The following TACC2 variants were observed in gnomAD, a reference collection of about 807,000 sequenced individuals.
The protein encoded by TACC2 is transforming acidic coiled-coil-containing protein 2.
TACC2 carries 137 observed loss-of-function variants against 227.3 expected under a neutral mutation model. The ratio of observed to expected loss-of-function variants is 0.60; its 90% CI spans 0.52 to 0.69. The LOEUF is 0.69. Among genes scored for constraint, TACC2 ranks in the 30% least tolerant of loss-of-function variants. The pLI is 0.00. For missense variants in TACC2, 3,470 were observed against 3,694.4 expected (o/e 0.94, Z 1.57); for synonymous variants, 1,523 against 1,487.5 (o/e 1.02, Z -0.55).
At chr10:122,123,998 G>T (rs2086345272) in intron 5 of TACC2, among the ~76,000 whole-genome samples, 1 of 151,914 alleles carries the variant, frequency 6.6e-6, no homozygotes, top group African/African-American at 2.4e-5. Flanking sequence ...ATTTTTAGTA[G>T]AGATGGGGTT....
intron 2 of TACC2, among the ~76,000 whole-genome samples, chr10:122,047,665 C>G (rs576947671): frequency 6.6e-6 from 1 of 152,292 alleles, no homozygotes; most frequent in African/African-American, 2.4e-5. Flanking sequence ...TGGTCTTGGC[C>G]CAGTTACTAA....
At chr10:122,167,253 C>T (rs575564051) in intron 7 of TACC2, among the ~76,000 whole-genome samples, 1 of 152,332 alleles carries the variant, frequency 6.6e-6, no homozygotes, top group African/African-American at 2.4e-5. Flanking sequence ...GAAACCCATA[C>T]TCTGTAGACC....
intron 2 of TACC2, among the ~76,000 whole-genome samples, chr10:122,046,593 G>C (rs1431263771): frequency 6.6e-6 from 1 of 152,150 alleles, no homozygotes. Flanking sequence ...CCAAGCCCTT[G>C]TTATAGTCCA....
rs186063892 is a variant in TACC2 at position 122,153,608 on chromosome 10, T to A, written c.5834+9902T>A. On this transcript the variant is annotated intron_variant, in intron 7 of 22. Transcript: ENST00000369005. ...TCAGGCCAAAGTGATTTCTTGTTTT[T>A]TCACAAAACAGCCACAGCAGCAGCC... Among the ~76,000 whole-genome samples, 449 of 152,346 alleles carry A rather than the reference T, an allele frequency of 2.9e-3. 1 individual carries two copies. The highest frequency in any genetic ancestry group is 6.8e-3 in the Middle Eastern group (2 of 294).
At chr10:122,242,878 C>T (rs996890476) in intron 19 of TACC2, among the ~76,000 whole-genome samples, 1 of 152,132 alleles carries the variant, frequency 6.6e-6, no homozygotes, top group African/African-American at 2.4e-5. Flanking sequence ...TAGCGATCCT[C>T]CTGCCTTGGT....
intron 2 of TACC2, among the ~76,000 whole-genome samples, chr10:122,025,254 A>G (rs1027070707): frequency 6.6e-6 from 1 of 152,102 alleles, no homozygotes; most frequent in Non-Finnish European, 1.5e-5. Context: ...TAACTAGATT[A>G]TTATTATTCA....
At chr10:122,032,976 A>AACC in intron 2 of TACC2, 1 of 541,904 alleles carries the variant, frequency 1.8e-6, no homozygotes, top group Non-Finnish European at 2.9e-6. Flanking sequence ...ACAACAAAAC[A>AACC]ACAACAACAA....
intron 2 of TACC2, among the ~76,000 whole-genome samples, chr10:122,026,361 G>A (rs527398114): frequency 7.1e-6 from 1 of 140,280 alleles, no homozygotes; most frequent in South Asian, 2.2e-4. Context: ...AGGTACAGTT[G>A]ATCAGTTTTT....
intron 1 of TACC2, among the ~76,000 whole-genome samples, chr10:122,020,318 G>A (rs9733375): frequency 2.6e-5 from 4 of 151,598 alleles, no homozygotes; most frequent in Admixed American, 2.6e-4. Flanking sequence ...GTGATTGTGT[G>A]TGTGTGTGTG....
Position 122,031,889 on chromosome 10 carries a change from G to T in TACC2, c.33+9875G>T, listed in dbSNP as rs191151442. ...CTGGCTAATTTTTGTACTTTTTTTAGTAGAGATGCGGTCTCACTATGTTGG... is the reference window on the plus strand; with the variant it reads ...CTGGCTAATTTTTGTACTTTTTTTATTAGAGATGCGGTCTCACTATGTTGG... On this transcript the variant is annotated intron_variant, in intron 2 of 22. Coordinates refer to ENST00000369005, the MANE Select transcript of TACC2 (RefSeq NM_206862.4). Among the ~76,000 whole-genome samples, 376 of 151,802 alleles carry T rather than the reference G, an allele frequency of 2.5e-3. 1 individual carries two copies. Among genetic ancestry groups the T allele is most frequent in the Admixed American group, 7.0e-3 (106 of 15,238 alleles).
Position 122,083,304 on chromosome 10 carries a change from GT to G in TACC2, c.805del (p.Ser269ProfsTer3). 6.2e-7 allele frequency: 1 copy of G among 1,613,956 alleles called. No homozygotes were observed. Among genetic ancestry groups the G allele is most frequent in the Non-Finnish European group, 8.5e-7 (1 of 1,180,026 alleles). ...GTESSAVLEK[S>X]PLKPMAPIPQ... ...CAGAAAGCTCAGCGGTCTTGGAGAA[GT>G]CCCCCCTAAAACCCATGGCCCCGAT... is the stretch of plus-strand genomic sequence containing the variant. On this transcript the variant is annotated frameshift_variant, in exon 4 of 23. Coordinates refer to ENST00000369005, the MANE Select transcript of TACC2 (RefSeq NM_206862.4). LOFTEE classifies it high-confidence loss of function.
intron 1 of TACC2, among the ~76,000 whole-genome samples, chr10:121,997,810 C>T (rs1953736051): frequency 6.6e-6 from 1 of 152,070 alleles, no homozygotes; most frequent in Admixed American, 6.5e-5. Flanking sequence ...AATTATGTAC[C>T]CTTGGAGCAT....
At chr10:122,237,816 G>T in intron 17 of TACC2, 145 bp from the exon 18 acceptor site, 1 of 715,722 alleles carries the variant, frequency 1.4e-6, no homozygotes, top group Non-Finnish European at 2.3e-6. Flanking sequence ...TATGCTCGGG[G>T]AAGTTCTCTG....
chr10:122,242,982 C>T (rs552243704), intron 19 of TACC2, among the ~76,000 whole-genome samples: 46 of 152,276 alleles, frequency 3.0e-4, no homozygotes, highest in African/African-American at 1.1e-3. Flanking sequence ...CTCGTTCTGT[C>T]ACCCAGGCTG....
Position 122,089,040 on chromosome 10 carries a change from G to A in TACC2, c.5573+449G>A, listed in dbSNP as rs1278155952. On this transcript the variant is annotated intron_variant, in intron 5 of 22. Coordinates refer to ENST00000369005, the MANE Select transcript of TACC2 (RefSeq NM_206862.4). ...TGAGTTGGGAGGATCGATCGTTTGA[G>A]CCCAGGAGGTGAAGGTTGCAGTGAG... Among the ~76,000 whole-genome samples, 3 of 152,234 alleles carry A rather than the reference G, an allele frequency of 2.0e-5. No homozygotes were observed. The East Asian group carries it at 5.8e-4, about 29-fold the overall frequency.
In TACC2 at chr10:122,251,415, A is replaced by G. The variant is rs548701315; in HGVS notation, c.8781+1751A>G. On this transcript the variant is annotated intron_variant, in intron 22 of 22. Transcript: ENST00000369005. ...GTCAAGTGCAAGTTTTTGCTCACTC[A>G]CCCAGTATTTATTGAGCATCATTAT... Among the ~76,000 whole-genome samples, 4 of 152,238 alleles carry G rather than the reference A, an allele frequency of 2.6e-5. No homozygotes were observed. The East Asian group carries it at 7.7e-4, about 29-fold the overall frequency.
chr10:122,080,028 G>C (rs1004214887), intron 3 of TACC2, among the ~76,000 whole-genome samples: 2 of 152,156 alleles, frequency 1.3e-5, no homozygotes, highest in Non-Finnish European at 2.9e-5. Flanking sequence ...ACCACAACTT[G>C]AGTGACTTAA....
intron 3 of TACC2, among the ~76,000 whole-genome samples, chr10:122,078,810 G>A (rs2079125391): frequency 6.6e-6 from 1 of 152,258 alleles, no homozygotes; most frequent in African/African-American, 2.4e-5. Context: ...GATAATCAAA[G>A]AGATTGCTGG....
rs552088900 is a variant in TACC2, at chr10:122,021,917, T to C, written c.-45-20T>C. ...TCTTTTTTCATTTCACAGACGTTTA[T>C]ACCCTTTTGTTTCTTCCAGTCACCT... On this transcript the variant is annotated intron_variant, in intron 1 of 22. Transcript: ENST00000369005. 265 of 1,462,744 alleles carry C rather than the reference T, an allele frequency of 1.8e-4. 7 individuals are homozygous for C. In the South Asian group the frequency reaches 2.4e-3, roughly 13 times the overall value. 90.6% of individuals were successfully genotyped at this position (1,462,744 alleles called of 1,614,324 possible).
Sources: allele counts gnomAD v4.1 joint callset (sites outside exome capture counted in the v4.1 genomes callset), GRCh38; gene constraint gnomAD v4.1.1; transcripts MANE v1.5; gene names NCBI Gene and HGNC (gene_info 2026-07-23, HGNC 2026-07-21).